Variants in CDH18 observed in about 807,000 individuals in gnomAD.
The protein encoded by CDH18 is cadherin-18.
In CDH18, 31 loss-of-function variants were observed where a neutral mutation model predicts 67.9. That is an observed-to-expected ratio of 0.46 (90% CI 0.34 to 0.62). The LOEUF (loss-of-function observed/expected upper bound fraction) is 0.62. Ranked by LOEUF, CDH18 falls within the 20% of genes least tolerant of loss-of-function variation. The pLI, the probability that CDH18 is intolerant of heterozygous loss-of-function variation, is 0.01. For synonymous variants in CDH18, 362 were observed against 347.2 expected (o/e 1.04, Z -0.48); for missense variants, 890 against 975.5 (o/e 0.91, Z 1.17).
intron 2 of CDH18, among the ~76,000 whole-genome samples, chr5:19,979,256 A>G (rs533752342): frequency 1.3e-5 from 2 of 150,294 alleles, no homozygotes; most frequent in African/African-American, 2.5e-5. Context: ...GTTGAAGCAG[A>G]GTGTGTCTTG....
Position 19,471,846 on chromosome 5 carries a change from GCTAATGAAA to G in CDH18, c.*1371_*1379del, listed in dbSNP as rs1737675800. ...GATGCATGTAAATATATATTTATAA[GCTAATGAAA>G]CTAGAAAATTAGATAAGCGTCTGCA... is the stretch of plus-strand genomic sequence containing the variant. On this transcript the variant is annotated 3_prime_UTR_variant, in exon 13 of 13. Coordinates refer to ENST00000382275, the MANE Select transcript of CDH18 (RefSeq NM_004934.5). Among the ~76,000 whole-genome samples the G allele has an allele frequency of 6.6e-6, 1 of 152,076 alleles. No individual in the cohort carries two copies. The highest frequency in any genetic ancestry group is 1.5e-5 in the Non-Finnish European group (1 of 68,014).
At chr5:19,764,411 G>A (rs1043713433) in intron 3 of CDH18, among the ~76,000 whole-genome samples, 27 of 151,824 alleles carry the variant, frequency 1.8e-4, no homozygotes, top group African/African-American at 6.3e-4. Context: ...AATGTACAAC[G>A]TAAGGTTGTA....
At chr5:20,282,120 C>G (rs574191954) in intron 1 of CDH18, among the ~76,000 whole-genome samples, 1 of 152,086 alleles carries the variant, frequency 6.6e-6, no homozygotes, top group Non-Finnish European at 1.5e-5. Context: ...TGGGCTGAGA[C>G]GATGGGGTTT....
chr5:20,504,771 T>C (rs1754555392), intron 1 of CDH18, among the ~76,000 whole-genome samples: 1 of 141,222 alleles, frequency 7.1e-6, no homozygotes, highest in African/African-American at 2.6e-5. Flanking sequence ...TTTTTTTTTT[T>C]TTTTTTTTTT....
chr5:19,990,636 T>A (rs1261652400), upstream of CDH18, among the ~76,000 whole-genome samples: 1 of 152,204 alleles, frequency 6.6e-6, no homozygotes, highest in Non-Finnish European at 1.5e-5. Context: ...ATCCCAATGA[T>A]GCATACACAC....
intron 2 of CDH18, among the ~76,000 whole-genome samples, chr5:19,915,097 T>G (rs1791607088): frequency 1.3e-5 from 2 of 152,164 alleles, no homozygotes; most frequent in South Asian, 4.1e-4. Flanking sequence ...CACTAAAACA[T>G]ACTGCTTTCT....
intron 1 of CDH18, among the ~76,000 whole-genome samples, chr5:20,539,870 T>C (rs1452892709): frequency 6.6e-6 from 1 of 152,088 alleles, no homozygotes; most frequent in Non-Finnish European, 1.5e-5. Flanking sequence ...TATTGGAGAT[T>C]TAACTCATAC....
rs543449793 is a variant in CDH18 at position 20,344,068 on chromosome 5, C to T, written c.-579-88563G>A. ...CCTGCAGAAATAGAATGAGCCATCT[C>T]TCAAGGATACACTTTTCAGCCCAAA... is the stretch of plus-strand genomic sequence containing the variant. On this transcript the variant is annotated intron_variant, in intron 1 of 14. Coordinates refer to the CDH18 transcript ENST00000507958. 5.9e-5 allele frequency among the ~76,000 whole-genome samples: 9 copies of T among 152,252 alleles called. No homozygotes were observed. The East Asian group carries it at 1.7e-3, about 29-fold the overall frequency.
At chr5:19,915,969 A>G (rs1180762780) in intron 2 of CDH18, among the ~76,000 whole-genome samples, 3 of 152,132 alleles carry the variant, frequency 2.0e-5, no homozygotes, top group African/African-American at 2.4e-5. Context: ...GTTCTGTACT[A>G]ATACTCAGAC....
intron 1 of CDH18, among the ~76,000 whole-genome samples, chr5:20,409,271 G>T (rs73766046): frequency 0.073 from 11,075 of 151,640 alleles, 476 homozygotes; most frequent in African/African-American, 0.11. Flanking sequence ...CAAATATTAG[G>T]CCACAAAACA....
chr5:20,357,104 T>A (rs1393350286), intron 1 of CDH18, among the ~76,000 whole-genome samples: 1 of 151,834 alleles, frequency 6.6e-6, no homozygotes, highest in Non-Finnish European at 1.5e-5. Context: ...AATATTTACC[T>A]GACACTTTAT....
At chr5:20,019,711 C>T (rs1026916207) in intron 2 of CDH18, among the ~76,000 whole-genome samples, 6 of 152,146 alleles carry the variant, frequency 3.9e-5, no homozygotes, top group African/African-American at 1.2e-4. Context: ...ATAAATTACC[C>T]AGTCTCAGGT....
At chr5:19,567,979 T>C (rs192760536) in intron 8 of CDH18, among the ~76,000 whole-genome samples, 18 of 152,300 alleles carry the variant, frequency 1.2e-4, no homozygotes, top group African/African-American at 4.3e-4. Context: ...ATGTATATGA[T>C]TTGTATATAT....
intron 8 of CDH18, among the ~76,000 whole-genome samples, chr5:19,552,539 T>C (rs1482904822): frequency 6.6e-6 from 1 of 152,182 alleles, no homozygotes; most frequent in East Asian, 1.9e-4. Context: ...ACTCTTATAA[T>C]TGTGACATAT....
At chr5:20,472,435 CCA>C (rs1231111758) in intron 1 of CDH18, among the ~76,000 whole-genome samples, 3 of 152,098 alleles carry the variant, frequency 2.0e-5, no homozygotes, top group Admixed American at 6.5e-5. Flanking sequence ...AACAAATGTA[CCA>C]CCTTGTGCCT....
intron 2 of CDH18, among the ~76,000 whole-genome samples, chr5:20,052,517 G>A (rs11740608): frequency 0.078 from 11,892 of 152,032 alleles, 507 homozygotes; most frequent in East Asian, 0.14. Flanking sequence ...AGCAACATGG[G>A]TGCGTGTATT....
chr5:20,325,045 T>C (rs946102735), intron 1 of CDH18, among the ~76,000 whole-genome samples: 2 of 152,204 alleles, frequency 1.3e-5, no homozygotes, highest in African/African-American at 4.8e-5. Context: ...TATCTATCAT[T>C]TGGGAATGAT....
intron 4 of CDH18, among the ~76,000 whole-genome samples, chr5:19,745,637 C>T (rs1769887928): frequency 6.6e-6 from 1 of 152,178 alleles, no homozygotes; most frequent in African/African-American, 2.4e-5. Flanking sequence ...TTAATTCTCC[C>T]TCGACTCTCC....
chr5:20,520,999 T>G (rs1356786190), intron 1 of CDH18, among the ~76,000 whole-genome samples: 2 of 152,126 alleles, frequency 1.3e-5, no homozygotes, highest in Admixed American at 1.3e-4. Context: ...CCAAACTGTG[T>G]GTTCTGAAAT....
Sources: allele counts gnomAD v4.1 joint callset (sites outside exome capture counted in the v4.1 genomes callset), GRCh38; gene constraint gnomAD v4.1.1; transcripts MANE v1.5; gene names NCBI Gene and HGNC (gene_info 2026-07-23, HGNC 2026-07-21).